Variants in CCDC85A observed in about 807,000 individuals in gnomAD.
CCDC85A encodes the protein coiled-coil domain-containing protein 85A.
Under a neutral mutation model 50.2 loss-of-function variants are expected in CCDC85A, and 38 were observed. That is an observed-to-expected ratio of 0.76 (90% CI 0.58 to 0.99). The LOEUF (loss-of-function observed/expected upper bound fraction) is 0.99. Ranked by LOEUF, CCDC85A falls within the 50% of genes least tolerant of loss-of-function variation. The pLI, the probability that CCDC85A is intolerant of heterozygous loss-of-function variation, is 0.00. For synonymous variants in CCDC85A, 366 were observed against 301.4 expected, an observed-to-expected ratio of 1.21 and a Z score of -2.22; for missense variants, 820 against 742.0, an observed-to-expected ratio of 1.11 and a Z score of -1.22.
chr2:56,365,948 CCTCT>C (rs530539671), intron 3 of CCDC85A, among the ~76,000 whole-genome samples: 66 of 152,006 alleles, frequency 4.3e-4, no homozygotes, highest in African/African-American at 1.5e-3. Flanking sequence ...CCACCTTTCT[CCTCT>C]CTAAGTAGAA....
chr2:56,278,117 G>A (rs1392266031), intron 2 of CCDC85A, among the ~76,000 whole-genome samples: 2 of 152,058 alleles, frequency 1.3e-5, no homozygotes, highest in Admixed American at 6.6e-5. Flanking sequence ...GGTGGCTGTC[G>A]GTATAGAAGT....
At chr2:56,265,623 A>G (rs193298843) in intron 2 of CCDC85A, among the ~76,000 whole-genome samples, 3 of 152,340 alleles carry the variant, frequency 2.0e-5, no homozygotes, top group Admixed American at 6.5e-5. Context: ...TATATTGGCT[A>G]TTATCGAAAA....
At chr2:56,262,765 A>G (rs1009764715) in intron 2 of CCDC85A, among the ~76,000 whole-genome samples, 14 of 152,220 alleles carry the variant, frequency 9.2e-5, no homozygotes, top group African/African-American at 3.4e-4. Context: ...TAGAGCCATC[A>G]CAGGGAAGTT....
At chr2:56,343,114 G>C (rs1674458660) in intron 3 of CCDC85A, among the ~76,000 whole-genome samples, 159 bp downstream of exon 3, 1 of 152,114 alleles carries the variant, frequency 6.6e-6, no homozygotes, top group African/African-American at 2.4e-5. Flanking sequence ...TTCCATGATG[G>C]CCATCATCTT....
chr2:56,216,844 G>A (rs1444958961), intron 2 of CCDC85A, among the ~76,000 whole-genome samples: 1 of 150,464 alleles, frequency 6.6e-6, no homozygotes, highest in Non-Finnish European at 1.5e-5. Flanking sequence ...GTTTCATTGT[G>A]TTTTTCTTTT....
chr2:56,209,914 C>T (rs751636835), intron 2 of CCDC85A, among the ~76,000 whole-genome samples: 15 of 152,142 alleles, frequency 9.9e-5, no homozygotes, highest in Middle Eastern at 3.4e-3. Context: ...ACTTACTGGC[C>T]CTTGATGTCT....
chr2:56,379,101 C>T (rs1404511373), intron 5 of CCDC85A, among the ~76,000 whole-genome samples: 1 of 152,100 alleles, frequency 6.6e-6, no homozygotes, highest in African/African-American at 2.4e-5. Flanking sequence ...GTTTAAAAGG[C>T]ATTTTATTCC....
chr2:56,383,153 A>G (rs1180500021), intron 5 of CCDC85A, among the ~76,000 whole-genome samples: 2 of 151,994 alleles, frequency 1.3e-5, no homozygotes, highest in African/African-American at 2.4e-5. Context: ...TTTGGCTTAG[A>G]AATGAAGGTA....
At chr2:56,266,502 T>C (rs1233890545) in intron 2 of CCDC85A, among the ~76,000 whole-genome samples, 2 of 151,088 alleles carry the variant, frequency 1.3e-5, no homozygotes, top group African/African-American at 4.9e-5. Context: ...GATTTGATTA[T>C]TCCACAATGT....
intron 2 of CCDC85A, among the ~76,000 whole-genome samples, chr2:56,226,255 A>G (rs1452057607): frequency 1.3e-5 from 2 of 152,226 alleles, no homozygotes. Flanking sequence ...AATAAATATA[A>G]TAAACCTTGG....
intron 2 of CCDC85A, among the ~76,000 whole-genome samples, chr2:56,252,085 C>T (rs1175386496): frequency 6.7e-6 from 1 of 149,452 alleles, no homozygotes; most frequent in Admixed American, 6.7e-5. Context: ...CTCACACTGT[C>T]CCCGGGGTTG....
At position 56,184,296 on chromosome 2, in the gene CCDC85A, G is replaced by A; in HGVS notation, c.-329G>A. 1.5e-6 allele frequency: 1 copy of A among 672,968 alleles called. No individual in the cohort carries two copies. The highest frequency in any genetic ancestry group is 1.9e-6 in the Non-Finnish European group (1 of 520,200). The allele number at this position is 672,968 out of a possible 1,614,324, so 41.7% of individuals were successfully genotyped here. ...GAGAGGGCAGGGGAACGGCGGTGCA[G>A]CTCCCCCGCTGTCCCCGAGGATTTC... On this transcript the variant is annotated 5_prime_UTR_variant, in exon 1 of 6. Transcript: ENST00000407595.
intron 2 of CCDC85A, among the ~76,000 whole-genome samples, chr2:56,291,166 A>C (rs934534239): frequency 6.6e-6 from 1 of 152,222 alleles, no homozygotes; most frequent in Non-Finnish European, 1.5e-5. Context: ...GTACACGTAG[A>C]ATAATGAGAG....
At chr2:56,247,502 T>C (rs897225139) in intron 2 of CCDC85A, among the ~76,000 whole-genome samples, 3 of 152,326 alleles carry the variant, frequency 2.0e-5, no homozygotes, top group East Asian at 1.9e-4. Context: ...CTCTAGCTCA[T>C]TGAGACCATT....
In CCDC85A at chr2:56,342,728, C is replaced by G. The variant is rs1284530713; in HGVS notation, c.1241-151C>G. The G allele has an allele frequency of 1.2e-5, 6 of 504,570 alleles. 1 individual carries two copies. Among genetic ancestry groups the G allele is most frequent in the Non-Finnish European group, 1.8e-5 (5 of 282,638 alleles). 31.3% of individuals were successfully genotyped at this position (504,570 alleles called of 1,614,324 possible). A position where few individuals can be genotyped will look rare whatever the true frequency, so the allele number is the denominator to read the frequency against. ...GTTTTTAGTTTCAGTGGCTTCTGTT[C>G]TTATTTTTCTGGGAGATATTTTTTT... On this transcript the variant is annotated intron_variant, in intron 2 of 5. Coordinates refer to ENST00000407595, the MANE Select transcript of CCDC85A (RefSeq NM_001080433.2).
Position 56,215,781 on chromosome 2 carries a change from T to A in CCDC85A, c.1240+22341T>A, listed in dbSNP as rs145549167. On this transcript the variant is annotated intron_variant, in intron 2 of 5. Transcript: ENST00000407595. ...GTATATTTTTGTATTGCTTTATAGC[T>A]TGGGTCGGTAAATTATGGCCAGTAG... 3.7e-3 allele frequency among the ~76,000 whole-genome samples: 555 copies of A among 152,016 alleles called. 8 individuals are homozygous for A. The highest frequency in any genetic ancestry group is 0.013 in the African/African-American group (530 of 41,524).
intron 2 of CCDC85A, among the ~76,000 whole-genome samples, chr2:56,321,033 C>A (rs1673157273): frequency 6.6e-6 from 1 of 152,058 alleles, no homozygotes; most frequent in Non-Finnish European, 1.5e-5. Flanking sequence ...GAACCAAAGA[C>A]AAAAACCACA....
At chr2:56,301,163 C>G (rs1490787663) in intron 2 of CCDC85A, among the ~76,000 whole-genome samples, 1 of 152,072 alleles carries the variant, frequency 6.6e-6, no homozygotes, top group East Asian at 1.9e-4. Flanking sequence ...TCCCTAAAAT[C>G]TTTTCTTAAT....
chr2:56,312,546 G>C (rs1672743635), intron 2 of CCDC85A, among the ~76,000 whole-genome samples: 1 of 152,018 alleles, frequency 6.6e-6, no homozygotes, highest in African/African-American at 2.4e-5. Flanking sequence ...TATTTTACAT[G>C]ATTATAAAGA....
Sources: allele counts gnomAD v4.1 joint callset (sites outside exome capture counted in the v4.1 genomes callset), GRCh38; gene constraint gnomAD v4.1.1; transcripts MANE v1.5; gene names NCBI Gene and HGNC (gene_info 2026-07-23, HGNC 2026-07-21).